Variants in GET1 observed in about 807,000 individuals in gnomAD.
GET1 encodes the protein congenital heart disease 5 protein.
In GET1, 20 loss-of-function variants were observed where a neutral mutation model predicts 22.6. The observed-to-expected ratio is 0.89, with a 90% CI of 0.62 to 1.29. GET1 has a LOEUF of 1.29. GET1 is among the 50% of genes most tolerant of loss of function. The pLI is 0.00. For synonymous variants in GET1, 92 were observed against 83.8 expected (o/e 1.10, Z -0.53); for missense variants, 209 against 219.9 (o/e 0.95, Z 0.31).
chr21:39,421,375 C>G (rs2073745066), intron 1 of GET1, among the ~76,000 whole-genome samples: 1 of 152,106 alleles, frequency 6.6e-6, no homozygotes, highest in Non-Finnish European at 1.5e-5. Flanking sequence ...GGCGAGAGGC[C>G]ACTGTGCCCT....
In GET1 at chr21:39,406,074, A is replaced by G. The variant is rs200434082; in HGVS notation, c.*90A>G. On this transcript the variant is annotated 3_prime_UTR_variant, in exon 5 of 5. Transcript: ENST00000415847. Reference sequence around the variant, plus strand: ...GACTTGATTGGTCAGTTTTCAAGACATAGCCTGATCCAAAGAGTTCTTCCA... The same window carrying G: ...GACTTGATTGGTCAGTTTTCAAGACGTAGCCTGATCCAAAGAGTTCTTCCA... 3.5e-4 allele frequency: 565 copies of G among 1,614,218 alleles called. 3 individuals are homozygous for G. Among genetic ancestry groups the G allele is most frequent in the Admixed American group, 9.2e-4 (55 of 60,032 alleles).
chr21:39,380,546 G>T (rs1306922890), intron 1 of GET1, 60 bp downstream of exon 1: 2 of 1,566,584 alleles, frequency 1.3e-6, no homozygotes, highest in East Asian at 2.4e-5. Context: ...CCCCCGGCGG[G>T]TCTGGCGTAG....
intron 1 of GET1, among the ~76,000 whole-genome samples, chr21:39,415,390 T>A (rs2147353622): frequency 6.6e-6 from 1 of 152,320 alleles, no homozygotes; most frequent in Admixed American, 6.5e-5. Flanking sequence ...AAAATAAAAG[T>A]AGAATAGTAC....
Position 39,380,391 on chromosome 21 carries a change from T to C in GET1, c.7T>C (p.Ser3Pro). MS[S>P]AAADHWAWLL... is the part of the protein sequence containing the mutation. ...ACAGCCAGGAGCGTCCGGGATGAGC[T>C]CAGCCGCGGCCGACCACTGGGCGTG... Residue 3 changes from serine to proline, a missense_variant, in exon 1 of 5, where the codon TCA (serine) becomes CCA (proline). Ser to Pro is a moderately conservative substitution (Grantham distance 74). Transcript: ENST00000649170. The C allele has an allele frequency of 6.2e-7, 1 of 1,606,382 alleles. No homozygotes were observed. Among genetic ancestry groups the C allele is most frequent in the East Asian group, 2.2e-5 (1 of 44,690 alleles).
At chr21:39,406,442 C>T (rs1367622424) in exon 5 of GET1, 2 of 1,614,046 alleles carry the variant, frequency 1.2e-6, no homozygotes, top group Non-Finnish European at 1.7e-6. Context: ...AGAACATCTT[C>T]TTGATTGCTT....
exon 5 of GET1, chr21:39,406,234 C>T (rs1361670225): frequency 1.2e-6 from 2 of 1,614,252 alleles, no homozygotes; most frequent in South Asian, 1.1e-5. Flanking sequence ...CTTGCCTGTA[C>T]TATGACTGTA....
intron 2 of GET1, chr21:39,391,444 C>T (rs1002722960): frequency 1.8e-5 from 6 of 331,208 alleles, no homozygotes; most frequent in Admixed American, 9.6e-5. Flanking sequence ...ACTGTGCACA[C>T]TGGGAAATAA....
chr21:39,402,514 T>C (rs1333814241), downstream of GET1, among the ~76,000 whole-genome samples: 2 of 152,342 alleles, frequency 1.3e-5, no homozygotes, highest in African/African-American at 4.8e-5. Context: ...GGTTTTGTCC[T>C]CAGGAGGAGT....
chr21:39,419,656 C>T (rs2041954410), intron 1 of GET1, among the ~76,000 whole-genome samples: 1 of 152,018 alleles, frequency 6.6e-6, no homozygotes, highest in Non-Finnish European at 1.5e-5. Flanking sequence ...GATTAGGTCA[C>T]AAGGGCAGAA....
At chr21:39,407,642 G>C (rs2039317407), downstream of GET1, among the ~76,000 whole-genome samples, 1 of 152,196 alleles carries the variant, frequency 6.6e-6, no homozygotes, top group Non-Finnish European at 1.5e-5. Flanking sequence ...CATGTGAACT[G>C]ATGGGGAAGG....
downstream of GET1, among the ~76,000 whole-genome samples, chr21:39,411,305 A>G (rs940849290): frequency 6.6e-6 from 1 of 152,192 alleles, no homozygotes; most frequent in African/African-American, 2.4e-5. Flanking sequence ...CTCCATCGGT[A>G]TAAACATCTG....
rs114316518 is a variant in GET1 at position 39,388,003 on chromosome 21, G to A, written c.103-2695G>A. 2,102 of 346,552 alleles carry A rather than the reference G, an allele frequency of 6.1e-3. 43 individuals are homozygous for A. The highest frequency in any genetic ancestry group is 0.045 in the African/African-American group (1,996 of 44,658). The allele number at this position is 346,552 out of a possible 1,614,324, so 21.5% of individuals were successfully genotyped here. On this transcript the variant is annotated intron_variant, in intron 1 of 4. Coordinates refer to ENST00000649170, the MANE Select transcript of GET1 (RefSeq NM_004627.6). Reference sequence around the variant, plus strand: ...AGAAAAGTTATATACAGTCAATACCGATAACTGATTTTGTTTCCTGAACCA... The same window carrying A: ...AGAAAAGTTATATACAGTCAATACCAATAACTGATTTTGTTTCCTGAACCA...
intron 1 of GET1, among the ~76,000 whole-genome samples, chr21:39,412,205 G>A (rs1196271736): frequency 2.0e-5 from 3 of 152,116 alleles, no homozygotes; most frequent in South Asian, 2.1e-4. Flanking sequence ...TCCAATAGGC[G>A]GTCAGCAGCT....
At chr21:39,420,519 T>C (rs1379623888) in intron 1 of GET1, among the ~76,000 whole-genome samples, 1 of 5,382 alleles carries the variant, frequency 1.9e-4, no homozygotes, top group African/African-American at 2.2e-3. Context: ...CAAGATTCTA[T>C]CTCAAAAAAA....
intron 4 of GET1, among the ~76,000 whole-genome samples, chr21:39,396,445 G>A (rs917593707): frequency 1.3e-5 from 2 of 151,726 alleles, no homozygotes; most frequent in African/African-American, 2.4e-5. Flanking sequence ...GGACAATGGC[G>A]TGAACCCGGG....
At chr21:39,387,337 C>G (rs567113007) in intron 1 of GET1, among the ~76,000 whole-genome samples, 1 of 152,244 alleles carries the variant, frequency 6.6e-6, no homozygotes, top group East Asian at 1.9e-4. Flanking sequence ...CTTGGAATCT[C>G]TTTTTCTTTT....
At chr21:39,414,736 CTCTCTCTGTGTG>C (rs1158316953) in intron 1 of GET1, among the ~76,000 whole-genome samples, 115 of 92,284 alleles carry the variant, frequency 1.2e-3, no homozygotes, top group African/African-American at 4.3e-3. Flanking sequence ...CTCTCTCTCT[CTCTCTCTGTGTG>C]TGTGTGTGTG....
downstream of GET1, chr21:39,411,098 A>T (rs1181181720): frequency 4.4e-5 from 15 of 341,558 alleles, no homozygotes; most frequent in Non-Finnish European, 6.9e-5. Context: ...ACTATGCTGA[A>T]CAAAAGCAGC....
chr21:39,392,513 A>AT (rs35451463), intron 3 of GET1, among the ~76,000 whole-genome samples: 96,702 of 152,082 alleles, frequency 0.64, 31,555 homozygotes, highest in East Asian at 0.77. Context: ...TTGCTAAGAG[A>AT]TAAGTTTCCG....
Sources: gnomAD v4.1 joint callset for allele counts (sites outside exome capture counted in the v4.1 genomes callset) on GRCh38, gnomAD v4.1.1 for gene constraint, MANE v1.5 for transcripts, NCBI Gene and HGNC (gene_info 2026-07-23, HGNC 2026-07-21) for gene names.